DIAPH2: variants seen among roughly 807,000 people sequenced by gnomAD.
The protein encoded by DIAPH2 is protein diaphanous homolog 2.
In DIAPH2, 35 loss-of-function variants were observed where a neutral mutation model predicts 92.7. The ratio of observed to expected loss-of-function variants is 0.38; its 90% CI spans 0.29 to 0.50. The LOEUF is 0.50. Among genes scored for constraint, DIAPH2 ranks in the 20% least tolerant of loss-of-function variants. The pLI, the probability that DIAPH2 is intolerant of heterozygous loss-of-function variation, is 0.94. For missense variants in DIAPH2, 701 were observed against 819.5 expected (o/e 0.86, Z 1.77); for synonymous variants, 301 against 280.4 (o/e 1.07, Z -0.73).
intron 25 of DIAPH2, among the ~76,000 whole-genome samples, chrX:97,401,850 G>T (rs1394962166): frequency 8.9e-6 from 1 of 112,637 alleles, no homozygotes; most frequent in Non-Finnish European, 1.9e-5. Flanking sequence ...GTAGAGCCAG[G>T]AGTAGCCTAC....
intron 26 of DIAPH2, among the ~76,000 whole-genome samples, chrX:97,578,966 C>G (rs1311600570): frequency 1.6e-5 from 1 of 63,461 alleles, no homozygotes; most frequent in African/African-American, 5.4e-5. Context: ...GCATAAATGT[C>G]TTCTTTTGAG....
chrX:97,198,057 C>T (rs1018413290), intron 22 of DIAPH2, among the ~76,000 whole-genome samples: 1 of 110,637 alleles, frequency 9.0e-6, no homozygotes, highest in African/African-American at 3.3e-5. Context: ...TGAGAGTCAG[C>T]TGAAAACTAT....
intron 4 of DIAPH2, among the ~76,000 whole-genome samples, chrX:96,854,902 T>TG (rs1390149793): frequency 3.7e-5 from 4 of 107,627 alleles, no homozygotes; most frequent in Admixed American, 3.0e-4. Flanking sequence ...TATGGATAAG[T>TG]GGGGGGCTAC....
chrX:96,686,451 C>T (rs1036835465), intron 1 of DIAPH2, among the ~76,000 whole-genome samples: 1 of 110,577 alleles, frequency 9.0e-6, no homozygotes, highest in Admixed American at 9.6e-5. Flanking sequence ...CTTCTCTTCC[C>T]TTTAGCCATT....
intron 22 of DIAPH2, among the ~76,000 whole-genome samples, chrX:97,203,158 C>A (rs1197666939): frequency 2.7e-5 from 3 of 111,855 alleles, no homozygotes; most frequent in African/African-American, 9.8e-5. Context: ...ATCTCTGGGA[C>A]ACAGCTAAAG....
intron 4 of DIAPH2, among the ~76,000 whole-genome samples, chrX:96,842,916 A>G (rs755612899): frequency 4.3e-4 from 48 of 112,041 alleles, no homozygotes; most frequent in African/African-American, 1.5e-3. Context: ...AAGGTGCACT[A>G]GTTTAGTCAT....
At chrX:97,090,410 G>A (rs887579346) in intron 19 of DIAPH2, among the ~76,000 whole-genome samples, 17 of 95,243 alleles carry the variant, frequency 1.8e-4, no homozygotes, top group Non-Finnish European at 6.1e-5. Context: ...TGCCCGCCAC[G>A]CCCGGGCCTA....
intron 17 of DIAPH2, among the ~76,000 whole-genome samples, chrX:97,016,395 T>C (rs2066260760): frequency 8.9e-6 from 1 of 112,058 alleles, no homozygotes; most frequent in African/African-American, 3.2e-5. Context: ...AATGCCAAGG[T>C]TGCATCATCA....
chrX:96,937,243 A>C lies in DIAPH2; in HGVS notation c.1100A>C (p.Glu367Ala). ...ATGTTTATATATTAGGATCTAAAAGAAAAAGAGAATGATGAGCTTGATATT... is the reference window on the plus strand; with the variant it reads ...ATGTTTATATATTAGGATCTAAAAGCAAAAGAGAATGATGAGCTTGATATT... ...GLKTMLPDLK[E>A]KENDELDIQL... Residue 367 changes from glutamate to alanine, a missense_variant, in exon 11 of 27, where the codon GAA (glutamate) becomes GCA (alanine). Around this residue, in one of 3 missense-constraint regions of DIAPH2, gnomAD observed 536 missense variants for 599.3 expected, o/e 0.89. Transcript: ENST00000324765. The C allele has an allele frequency of 8.9e-7, 1 of 1,124,394 alleles. No individual in the cohort carries two copies. The highest frequency in any genetic ancestry group is 1.2e-6 in the Non-Finnish European group (1 of 832,914). The allele number at this position is 1,124,394 out of a possible 1,213,427, so 92.7% of individuals were successfully genotyped here. A position where few individuals can be genotyped will look rare whatever the true frequency, so the allele number is the denominator to read the frequency against.
intron 26 of DIAPH2, among the ~76,000 whole-genome samples, chrX:97,462,730 T>C (rs185553192): frequency 8.4e-4 from 94 of 111,477 alleles, no homozygotes; most frequent in African/African-American, 3.0e-3. Flanking sequence ...TTACTCATTC[T>C]TAAGACCTGT....
At chrX:97,409,884 C>T (rs760409098) in intron 25 of DIAPH2, among the ~76,000 whole-genome samples, 10 of 112,657 alleles carry the variant, frequency 8.9e-5, no homozygotes, top group East Asian at 8.5e-4. Context: ...TCGAACTGGG[C>T]GGAGCCCACC....
At chrX:97,103,709 T>C (rs1323324192) in intron 20 of DIAPH2, among the ~76,000 whole-genome samples, 5 of 111,978 alleles carry the variant, frequency 4.5e-5, no homozygotes, top group Admixed American at 1.9e-4. Flanking sequence ...TGTATCTGTA[T>C]TGCATCATAA....
intron 17 of DIAPH2, among the ~76,000 whole-genome samples, chrX:97,041,313 T>A (rs1002782811): frequency 9.0e-6 from 1 of 111,606 alleles, no homozygotes; most frequent in Non-Finnish European, 1.9e-5. Flanking sequence ...TGGTACTGAT[T>A]ACTGGCTTAA....
chrX:96,986,732 C>T (rs766454428), intron 17 of DIAPH2, among the ~76,000 whole-genome samples: 78 of 111,461 alleles, frequency 7.0e-4, no homozygotes, highest in African/African-American at 2.5e-3. Flanking sequence ...AAAGCAACCT[C>T]TTTCCCTTAC....
At chrX:96,759,919 G>T (rs1044841036) in intron 4 of DIAPH2, among the ~76,000 whole-genome samples, 2 of 111,531 alleles carry the variant, frequency 1.8e-5, no homozygotes, top group African/African-American at 6.5e-5. Flanking sequence ...AGATTAAAAT[G>T]CAAAAAATTG....
rs2071607217 is a variant in DIAPH2, at chrX:97,603,718, G to GAT, written c.*4403_*4404dup. ...ACTACTGTAGTAGACAATTTAGATA[G>GAT]ATAAACTTTTTGCCACTATATGACA... On this transcript the variant is annotated 3_prime_UTR_variant, in exon 27 of 27. Transcript: ENST00000324765. 1 of 112,274 alleles carries GAT rather than the reference G, an allele frequency of 8.9e-6. No individual in the cohort carries two copies. The highest frequency in any genetic ancestry group is 3.7e-4 in the South Asian group (1 of 2,689). 9.3% of individuals were successfully genotyped at this position (112,274 alleles called of 1,213,427 possible).
intron 17 of DIAPH2, among the ~76,000 whole-genome samples, chrX:96,987,517 T>C (rs1602692259): frequency 9.0e-6 from 1 of 111,519 alleles, no homozygotes; most frequent in African/African-American, 3.2e-5. Context: ...TTTCTTTCTG[T>C]ATTTTAGGCC....
At chrX:97,027,951 G>T (rs1044250389) in intron 17 of DIAPH2, among the ~76,000 whole-genome samples, 3 of 111,966 alleles carry the variant, frequency 2.7e-5, no homozygotes, top group Non-Finnish European at 5.6e-5. Context: ...GCAATAATAG[G>T]AAAAGTTATA....
chrX:97,450,252 AT>A (rs2070347804), intron 26 of DIAPH2, among the ~76,000 whole-genome samples: 1 of 111,479 alleles, frequency 9.0e-6, no homozygotes, highest in African/African-American at 3.3e-5. Context: ...AGAGGTAAAA[AT>A]CCTAGAAGAT....
Sources: allele counts gnomAD v4.1 joint callset (sites outside exome capture counted in the v4.1 genomes callset), GRCh38; gene constraint gnomAD v4.1.1; regional missense constraint gnomAD v4.1.1; transcripts MANE v1.5; gene names NCBI Gene and HGNC (gene_info 2026-07-23, HGNC 2026-07-21).